ANKRD33B: variants seen among roughly 807,000 people sequenced by gnomAD.
ANKRD33B encodes ankyrin repeat domain 33B.
A neutral mutation model predicts 21.5 loss-of-function variants in ANKRD33B; 6 were observed. The observed-to-expected ratio is 0.28, with a 90% CI of 0.15 to 0.55. The LOEUF (loss-of-function observed/expected upper bound fraction) is 0.55, where lower values mean the gene tolerates loss of function less well. Among genes scored for constraint, ANKRD33B ranks in the 20% least tolerant of loss-of-function variants. The pLI, the probability that ANKRD33B is intolerant of heterozygous loss-of-function variation, is 0.94. For synonymous variants in ANKRD33B, 347 were observed against 342.4 expected, an observed-to-expected ratio of 1.01 and a Z score of -0.15; for missense variants, 698 against 747.2, an observed-to-expected ratio of 0.93 and a Z score of 0.77.
In ANKRD33B at chr5:10,569,597, AAAATAAATAAATAAAT is replaced by A. The variant is rs56346529; in HGVS notation, c.366+4778_366+4793del. On this transcript the variant is annotated intron_variant, in intron 1 of 3. Coordinates refer to ENST00000296657, the MANE Select transcript of ANKRD33B (RefSeq NM_001164440.2). The stretch of plus-strand genomic sequence containing the variant: ...GGCGACAGAACAAGACCCGTGTTTG[AAAATAAATAAATAAAT>A]AAATAAATAAATAGAGGCATGTATG... 4.9e-4 allele frequency among the ~76,000 whole-genome samples: 72 copies of A among 148,422 alleles called. No homozygotes were observed. In the East Asian group the frequency reaches 0.011, roughly 22 times the overall value.
intron 2 of ANKRD33B, among the ~76,000 whole-genome samples, chr5:10,630,880 A>AAAT (rs1736694362): frequency 6.6e-6 from 1 of 151,620 alleles, no homozygotes; most frequent in Non-Finnish European, 1.5e-5. Flanking sequence ...CAAAAAAAAA[A>AAAT]AAAAAAGAAG....
intron 1 of ANKRD33B, among the ~76,000 whole-genome samples, chr5:10,588,066 T>C (rs1735606696): frequency 6.6e-6 from 1 of 152,222 alleles, no homozygotes; most frequent in Non-Finnish European, 1.5e-5. Context: ...CACTGAATGT[T>C]AATTATCAAA....
chr5:10,644,854 G>T (rs1295707275), intron 3 of ANKRD33B, among the ~76,000 whole-genome samples: 3 of 152,102 alleles, frequency 2.0e-5, no homozygotes, highest in African/African-American at 7.3e-5. Context: ...TAGTTTTGAG[G>T]GATGGTGGCC....
intron 1 of ANKRD33B, among the ~76,000 whole-genome samples, chr5:10,605,155 C>A (rs530006197): frequency 9.8e-5 from 15 of 152,310 alleles, no homozygotes; most frequent in African/African-American, 3.6e-4. Context: ...CTTGAGTGTC[C>A]ACAGGGCGTG....
rs183073016 is a variant in ANKRD33B, at chr5:10,572,185, G to A, written c.366+7352G>A. 1.3e-3 allele frequency among the ~76,000 whole-genome samples: 198 copies of A among 152,100 alleles called. 1 individual carries two copies. Among genetic ancestry groups the A allele is most frequent in the African/African-American group, 4.5e-3 (185 of 41,506 alleles). On this transcript the variant is annotated intron_variant, in intron 1 of 3. Coordinates refer to ENST00000296657, the MANE Select transcript of ANKRD33B (RefSeq NM_001164440.2). ...ATTACAGGCGTGAGCCACCACACCC[G>A]GCCAGGGCATCAGTATTTTCTAAAA... is the stretch of plus-strand genomic sequence containing the variant.
rs1054914578 is a variant in ANKRD33B at position 10,649,851 on chromosome 5, C to T, written c.1223C>T (p.Pro408Leu). 1.4e-6 allele frequency: 2 copies of T among 1,419,182 alleles called. No homozygotes were observed. The highest frequency in any genetic ancestry group is 1.8e-6 in the Non-Finnish European group (2 of 1,092,314). The allele number at this position is 1,419,182 out of a possible 1,614,324, so 87.9% of individuals were successfully genotyped here. Residue 408 changes from proline (P) to leucine (L), a missense_variant, in exon 4 of 4, where the codon CCC (proline) becomes CTC (leucine). Physicochemically the swap from Pro to Leu is moderately conservative, Grantham distance 98 (BLOSUM62 -3). This residue lies in a region of ANKRD33B where 543 missense variants were observed against 566.5 expected (regional missense o/e 0.96). Coordinates refer to ENST00000296657, the MANE Select transcript of ANKRD33B (RefSeq NM_001164440.2). ...GCCCCGCGGAAGGCCAGCCTCCTGC[C>T]CCTGCAGCGCCTGCGGCGGAGAAGC... Reference protein sequence around the residue: ...APAPRKASLLPLQRLRRRSVR... With the variant: ...APAPRKASLLLLQRLRRRSVR...
At chr5:10,633,541 A>G (rs1330819842) in intron 2 of ANKRD33B, among the ~76,000 whole-genome samples, 1 of 152,242 alleles carries the variant, frequency 6.6e-6, no homozygotes, top group Non-Finnish European at 1.5e-5. Context: ...GACGCGCTGA[A>G]CACAATGAAT....
chr5:10,593,289 GCT>G (rs886587736), intron 1 of ANKRD33B, among the ~76,000 whole-genome samples: 2 of 151,916 alleles, frequency 1.3e-5, no homozygotes, highest in African/African-American at 4.8e-5. Context: ...AATATATTTT[GCT>G]CTGTTTACTT....
At chr5:10,624,780 C>T (rs1001439462) in intron 2 of ANKRD33B, 9 of 456,660 alleles carry the variant, frequency 2.0e-5, no homozygotes, top group Middle Eastern at 3.2e-4. Flanking sequence ...CCCAATCTTG[C>T]GCCTCCGGCG....
intron 1 of ANKRD33B, among the ~76,000 whole-genome samples, chr5:10,594,384 A>G (rs1027403648): frequency 6.6e-6 from 1 of 151,882 alleles, no homozygotes; most frequent in African/African-American, 2.4e-5. Flanking sequence ...CGCCCGGCTA[A>G]TTTTTGTATT....
Position 10,650,131 on chromosome 5 carries a change from G to T in ANKRD33B, c.*18G>T, listed in dbSNP as rs1391528319. 8 of 1,461,648 alleles carry T rather than the reference G, an allele frequency of 5.5e-6. No homozygotes were observed. The highest frequency in any genetic ancestry group is 2.7e-5 in the East Asian group (1 of 37,612). 90.5% of individuals were successfully genotyped at this position (1,461,648 alleles called of 1,614,324 possible). A position where few individuals can be genotyped will look rare whatever the true frequency, so the allele number is the denominator to read the frequency against. The stretch of plus-strand genomic sequence containing the variant: ...GGACGTGAGGGCCCGTGTGCCTGGC[G>T]CTGGGGCCGGGGCTGGGGCCGGGGC... On this transcript the variant is annotated 3_prime_UTR_variant, in exon 4 of 4. Coordinates refer to ENST00000296657, the MANE Select transcript of ANKRD33B (RefSeq NM_001164440.2).
Position 10,640,043 on chromosome 5 carries a change from A to G in ANKRD33B, c.637+1875A>G, listed in dbSNP as rs146406838. Among the ~76,000 whole-genome samples, 25 of 82,994 alleles carry G rather than the reference A, an allele frequency of 3.0e-4. 1 individual carries two copies. Among genetic ancestry groups the G allele is most frequent in the African/African-American group, 3.8e-4 (9 of 23,708 alleles). The allele number at this position is 82,994 out of a possible 152,430, so 54.4% of individuals were successfully genotyped here. On this transcript the variant is annotated intron_variant, in intron 3 of 3. Transcript: ENST00000296657. ...GCGGCGATGTTAGCGGGTGACGTGG[A>G]GTTGCACGGTGATGTTAGGCGGTGA... is the stretch of plus-strand genomic sequence containing the variant.
At chr5:10,634,458 T>A (rs997263388) in intron 2 of ANKRD33B, among the ~76,000 whole-genome samples, 1 of 56,928 alleles carries the variant, frequency 1.8e-5, no homozygotes, top group African/African-American at 5.8e-5. Flanking sequence ...TCAAACTAGA[T>A]TTTTTTCTTT....
intron 2 of ANKRD33B, among the ~76,000 whole-genome samples, chr5:10,635,965 C>G (rs900532): frequency 1.3e-5 from 2 of 151,946 alleles, no homozygotes; most frequent in African/African-American, 4.8e-5. Context: ...GTCATGCTCA[C>G]GTAGTATTCT....
Position 10,650,617 on chromosome 5 carries a change from TTGGTC to T in ANKRD33B, c.*506_*510del, listed in dbSNP as rs1428461741. On this transcript the variant is annotated 3_prime_UTR_variant, in exon 4 of 4. Coordinates refer to ENST00000296657, the MANE Select transcript of ANKRD33B (RefSeq NM_001164440.2). ...ATGGGATTCTCCCCTTTTTGGCTGT[TTGGTC>T]TTTTCTCCTCATCGTGGGTGTAGGT... 1.6e-4 allele frequency: 25 copies of T among 152,502 alleles called. No individual in the cohort carries two copies. The highest frequency in any genetic ancestry group is 5.3e-4 in the African/African-American group (22 of 41,576). The allele number at this position is 152,502 out of a possible 1,614,324, so 9.4% of individuals were successfully genotyped here. A position where few individuals can be genotyped will look rare whatever the true frequency, so the allele number is the denominator to read the frequency against.
intron 1 of ANKRD33B, among the ~76,000 whole-genome samples, chr5:10,579,011 A>G (rs985294594): frequency 1.3e-5 from 2 of 151,928 alleles, no homozygotes; most frequent in Admixed American, 1.3e-4. Context: ...AAAAAATACA[A>G]AAGTTTTCTG....
At chr5:10,582,072 G>A (rs1347313265) in intron 1 of ANKRD33B, among the ~76,000 whole-genome samples, 3 of 152,200 alleles carry the variant, frequency 2.0e-5, no homozygotes, top group Non-Finnish European at 4.4e-5. Flanking sequence ...TCAGCCTCAT[G>A]TGCAGAGTTC....
chr5:10,565,999 T>G (rs766693214), intron 1 of ANKRD33B, among the ~76,000 whole-genome samples: 2 of 152,176 alleles, frequency 1.3e-5, no homozygotes, highest in Non-Finnish European at 2.9e-5. Context: ...TGGGCTGGGC[T>G]TAGGTGGATG....
In ANKRD33B at chr5:10,564,181, A is replaced by C. The variant is rs1260852857; in HGVS notation, c.-287A>C. On this transcript the variant is annotated 5_prime_UTR_variant, in exon 1 of 4. Coordinates refer to ENST00000296657, the MANE Select transcript of ANKRD33B (RefSeq NM_001164440.2). ...GCCTGCCTGGCTCTGAACTCTGGCC[A>C]GGAAGGGGCGCGAGGGGAAGGCCCC... 1 of 153,522 alleles carries C rather than the reference A, an allele frequency of 6.5e-6. No individual in the cohort carries two copies. Among genetic ancestry groups the C allele is most frequent in the Non-Finnish European group, 1.4e-5 (1 of 68,992 alleles). The allele number at this position is 153,522 out of a possible 1,614,324, so 9.5% of individuals were successfully genotyped here.
Sources: gnomAD v4.1 joint callset for allele counts (sites outside exome capture counted in the v4.1 genomes callset) on GRCh38, gnomAD v4.1.1 for gene constraint, gnomAD v4.1.1 regional missense constraint, MANE v1.5 for transcripts, NCBI Gene and HGNC (gene_info 2026-07-23, HGNC 2026-07-21) for gene names.